KIAA1671: variants seen among roughly 807,000 people sequenced by gnomAD.
KIAA1671 encodes KIAA1671, also known as uncharacterized protein KIAA1671.
In KIAA1671, 52 loss-of-function variants were observed where a neutral mutation model predicts 131.2. The ratio of observed to expected loss-of-function variants is 0.40; its 90% CI spans 0.32 to 0.50. KIAA1671 has a LOEUF of 0.50. KIAA1671 is among the 20% of genes least tolerant of loss of function. The pLI is 0.73. For synonymous variants in KIAA1671, 1,003 were observed against 961.6 expected, an observed-to-expected ratio of 1.04 and a Z score of -0.80; for missense variants, 2,360 against 2,364.2, an observed-to-expected ratio of 1.00 and a Z score of 0.04.
At position 25,096,439 on chromosome 22, in the gene KIAA1671, C is replaced by G. The variant is rs994262486; in HGVS notation, c.4530+47075C>G. Among the ~76,000 whole-genome samples, 4 of 152,140 alleles carry G rather than the reference C, an allele frequency of 2.6e-5. No homozygotes were observed. The East Asian group carries it at 7.7e-4, about 29-fold the overall frequency. On this transcript the variant is annotated intron_variant, in intron 6 of 12. Coordinates refer to ENST00000358431, the MANE Select transcript of KIAA1671 (RefSeq NM_001145206.2). ...GACAGAGGTGGTCTTAGCAGTCACT[C>G]AAGACACACAAGATCTTGTGGGGCC...
At chr22:25,023,846 G>A (rs2123894925) in intron 1 of KIAA1671, 1 of 152,144 alleles carries the variant, frequency 6.6e-6, no homozygotes, top group East Asian at 1.9e-4. Context: ...TCAGGAGGCT[G>A]AGGCGGGAGA....
chr22:25,073,843 G>A (rs1409981990), intron 6 of KIAA1671, among the ~76,000 whole-genome samples: 1 of 152,162 alleles, frequency 6.6e-6, no homozygotes, highest in African/African-American at 2.4e-5. Context: ...ACAGGTGCGT[G>A]CCACCATGCC....
intron 6 of KIAA1671, among the ~76,000 whole-genome samples, chr22:25,117,719 C>A (rs1292131639): frequency 6.6e-6 from 1 of 151,876 alleles, no homozygotes; most frequent in Non-Finnish European, 1.5e-5. Flanking sequence ...CATTTCAGCC[C>A]CATCTCCATC....
chr22:25,128,342 A>G (rs1437363994), intron 6 of KIAA1671, among the ~76,000 whole-genome samples: 2 of 152,248 alleles, frequency 1.3e-5, no homozygotes, highest in East Asian at 3.8e-4. Flanking sequence ...ACATGAATGC[A>G]TGGACCAGTG....
At chr22:24,960,715 T>C (rs1295006416) in intron 1 of KIAA1671, among the ~76,000 whole-genome samples, 1 of 142,336 alleles carries the variant, frequency 7.0e-6, no homozygotes, top group Non-Finnish European at 1.5e-5. Context: ...CCTGTTGACA[T>C]GTCTTTGCAC....
At chr22:25,080,046 CTT>C (rs1929324679) in intron 6 of KIAA1671, among the ~76,000 whole-genome samples, 1 of 152,104 alleles carries the variant, frequency 6.6e-6, no homozygotes, top group Admixed American at 6.5e-5. Context: ...ATAGGAAAGA[CTT>C]GAGTCATGGA....
chr22:25,174,218 C>G, intron 7 of KIAA1671, 22 bp from the exon 8 acceptor site: 1 of 1,550,706 alleles, frequency 6.4e-7, no homozygotes, highest in South Asian at 1.2e-5. Flanking sequence ...ACCATGTCTC[C>G]CTTCATTCCC....
chr22:25,177,615 C>T, intron 9 of KIAA1671, 93 bp downstream of exon 9: 1 of 1,114,576 alleles, frequency 9.0e-7, no homozygotes, highest in Non-Finnish European at 1.3e-6. Flanking sequence ...ACTTGGAAGG[C>T]TGTAGATCAT....
At chr22:25,025,826 T>G (rs1925918830) in intron 2 of KIAA1671, 42 bp downstream of exon 2, 3 of 152,080 alleles carry the variant, frequency 2.0e-5, no homozygotes, top group Non-Finnish European at 2.9e-5. Context: ...AGGGCTGGAG[T>G]GTCCAAGGGC....
intron 6 of KIAA1671, among the ~76,000 whole-genome samples, chr22:25,150,310 C>T (rs1024634511): frequency 6.6e-6 from 1 of 152,184 alleles, no homozygotes; most frequent in African/African-American, 2.4e-5. Flanking sequence ...CTGCTTTCTG[C>T]CTGGCAGCAG....
chr22:24,962,960 TC>T lies in KIAA1671; in HGVS notation c.-208+10189del, dbSNP rs112133157. On this transcript the variant is annotated intron_variant, in intron 1 of 12. Transcript: ENST00000358431. ...AGAAAAGAGTCACGGGGAGCTCTGA[TC>T]TAAGAAGTATTCACATGGCGCCACT... Among the ~76,000 whole-genome samples, 652 of 151,978 alleles carry T rather than the reference TC, an allele frequency of 4.3e-3. 2 individuals are homozygous for T. Among genetic ancestry groups the T allele is most frequent in the African/African-American group, 0.015 (614 of 41,418 alleles).
Position 25,164,617 on chromosome 22 carries a change from C to A in KIAA1671, c.4531-6203C>A, listed in dbSNP as rs191859090. Among the ~76,000 whole-genome samples, 13 of 152,286 alleles carry A rather than the reference C, an allele frequency of 8.5e-5. No homozygotes were observed. In the East Asian group the frequency reaches 2.3e-3, roughly 27 times the overall value. On this transcript the variant is annotated intron_variant, in intron 6 of 12. Coordinates refer to ENST00000358431, the MANE Select transcript of KIAA1671 (RefSeq NM_001145206.2). ...TGAAGCAAAAGAGTTGGAAGAATAT[C>A]CTGCCTTAAAGCTAATAAAACAACC...
chr22:25,167,805 C>A (rs1414980037), intron 6 of KIAA1671, among the ~76,000 whole-genome samples: 1 of 152,084 alleles, frequency 6.6e-6, no homozygotes, highest in Non-Finnish European at 1.5e-5. Flanking sequence ...AGTATTCCCA[C>A]GAACATCATG....
At chr22:25,034,725 A>AT (rs1361159119) in intron 4 of KIAA1671, among the ~76,000 whole-genome samples, 6 of 151,386 alleles carry the variant, frequency 4.0e-5, no homozygotes, top group Non-Finnish European at 7.4e-5. Flanking sequence ...TTCTTTTTTA[A>AT]TTTTTTAATT....
chr22:25,002,784 C>CT lies in KIAA1671; in HGVS notation c.-207-22837dup, dbSNP rs541184629. Among the ~76,000 whole-genome samples the CT allele has an allele frequency of 2.0e-3, 287 of 143,938 alleles. 1 individual carries two copies. Among genetic ancestry groups the CT allele is most frequent in the African/African-American group, 4.5e-3 (179 of 39,430 alleles). 94.4% of individuals were successfully genotyped at this position (143,938 alleles called of 152,430 possible). A position where few individuals can be genotyped will look rare whatever the true frequency, so the allele number is the denominator to read the frequency against. On this transcript the variant is annotated intron_variant, in intron 1 of 12. Transcript: ENST00000358431. Reference sequence around the variant, plus strand: ...TGAACTTTGTGTTTTAACTTCGTGGCTTTTTTTTTTTTAAAGACAGGATCT... The same window carrying CT: ...TGAACTTTGTGTTTTAACTTCGTGGCTTTTTTTTTTTTTAAAGACAGGATCT...
At chr22:25,179,838 C>G (rs1934203175) in intron 9 of KIAA1671, among the ~76,000 whole-genome samples, 1 of 152,146 alleles carries the variant, frequency 6.6e-6, no homozygotes, top group Non-Finnish European at 1.5e-5. Flanking sequence ...GTTGAAAGAT[C>G]AGTCCATATA....
At position 25,080,238 on chromosome 22, in the gene KIAA1671, C is replaced by G. The variant is rs533843498; in HGVS notation, c.4530+30874C>G. 1.6e-4 allele frequency among the ~76,000 whole-genome samples: 25 copies of G among 152,284 alleles called. No homozygotes were observed. In the South Asian group the frequency reaches 5.0e-3, roughly 30 times the overall value. On this transcript the variant is annotated intron_variant, in intron 6 of 12. Transcript: ENST00000358431. The stretch of plus-strand genomic sequence containing the variant: ...CGTTCTCCACCTCTTCCCGTAGCTC[C>G]CCTTCCCCAGCTGTACAATGGGAAG...
chr22:25,178,320 G>C (rs2146027398), intron 9 of KIAA1671, among the ~76,000 whole-genome samples: 1 of 152,292 alleles, frequency 6.6e-6, no homozygotes, highest in African/African-American at 2.4e-5. Flanking sequence ...TGTGGGGGCT[G>C]GCTTGGGAAC....
intron 9 of KIAA1671, chr22:25,179,251 A>G: frequency 6.5e-7 from 1 of 1,537,046 alleles, no homozygotes. Flanking sequence ...GGTGAACGAA[A>G]CAAAACCAAA....
Sources: allele counts gnomAD v4.1 joint callset (sites outside exome capture counted in the v4.1 genomes callset), GRCh38; gene constraint gnomAD v4.1.1; transcripts MANE v1.5; gene names NCBI Gene and HGNC (gene_info 2026-07-23, HGNC 2026-07-21).